The following SPRYD3 variants were observed in gnomAD, a reference collection of about 807,000 sequenced individuals.
The protein encoded by SPRYD3 is SPRY domain-containing protein 3.
In SPRYD3, 17 loss-of-function variants were observed where a neutral mutation model predicts 50.1. The ratio of observed to expected loss-of-function variants is 0.34; its 90% confidence interval spans 0.23 to 0.51. The LOEUF is 0.51. Among genes scored for constraint, SPRYD3 ranks in the 20% least tolerant of loss-of-function variants. The pLI is 0.97. For synonymous variants in SPRYD3, 198 were observed against 215.5 expected (o/e 0.92, Z 0.71); for missense variants, 401 against 591.2 (o/e 0.68, Z 3.34).
At chr12:53,071,721 C>CT (rs1944550881) in intron 6 of SPRYD3, among the ~76,000 whole-genome samples, 2 of 107,586 alleles carry the variant, frequency 1.9e-5, no homozygotes. Flanking sequence ...GATAGCCTGT[C>CT]TTAAAAAAAA....
intron 7 of SPRYD3, among the ~76,000 whole-genome samples, chr12:53,067,949 G>T (rs1189515598): frequency 2.0e-5 from 3 of 152,216 alleles, no homozygotes; most frequent in Non-Finnish European, 4.4e-5. Context: ...AGTGTGTGGT[G>T]CAGTCATGAC....
rs1944506194 is a variant in SPRYD3, at chr12:53,066,333, T to C, written c.1175A>G (p.His392Arg). 1 of 1,614,082 alleles carries C rather than the reference T, an allele frequency of 6.2e-7. No individual in the cohort carries two copies. Among genetic ancestry groups the C allele is most frequent in the Non-Finnish European group, 8.5e-7 (1 of 1,179,992 alleles). Residue 392 changes from histidine (H) to arginine (R), a missense_variant, in exon 10 of 11, where the codon CAT becomes CGT. Physicochemically the swap from His to Arg is conservative, Grantham distance 29. Transcript: ENST00000301463. ...EEDGEEIEPE[H>R]EGRKVVVFFT... ...ACTCACCACCACCTTCCTGCCCTCA[T>C]GCTCCGGCTCTATCTCTTCCCCATC...
rs2121198215 is a variant in SPRYD3 at position 53,068,372 on chromosome 12, G to A, written c.694-68C>T. The A allele has an allele frequency of 1.9e-6, 3 of 1,572,828 alleles. No individual in the cohort carries two copies. The East Asian group carries it at 6.7e-5, about 35-fold the overall frequency. ...ACCCACCCTGGAAACCTGGGCCCAA[G>A]GCAGTCTGGGTCCCACTTTCCCAGG... On this transcript the variant is annotated intron_variant, in intron 6 of 10. Transcript: ENST00000301463.
chr12:53,069,177 T>C (rs949905994), intron 6 of SPRYD3, among the ~76,000 whole-genome samples: 1 of 151,930 alleles, frequency 6.6e-6, no homozygotes, highest in East Asian at 1.9e-4. Context: ...AATAGTGGGG[T>C]GATGACTCAA....
At chr12:53,072,491 C>T (rs9783518) in intron 6 of SPRYD3, among the ~76,000 whole-genome samples, 2 of 152,154 alleles carry the variant, frequency 1.3e-5, no homozygotes, top group Non-Finnish European at 2.9e-5. Flanking sequence ...AGGGACAATT[C>T]GAAGTGGGAG....
chr12:53,068,032 G>T (rs1284326188), intron 7 of SPRYD3, 123 bp downstream of exon 7: 5 of 1,138,794 alleles, frequency 4.4e-6, no homozygotes, highest in African/African-American at 3.1e-5. Flanking sequence ...TTCCATCTCA[G>T]CTTAGCACCC....
Position 53,064,432 on chromosome 12 carries a change from G to C in SPRYD3, c.*1400C>G, listed in dbSNP as rs559153633. 6.5e-6 allele frequency: 1 copy of C among 154,458 alleles called. No individual in the cohort carries two copies. Among genetic ancestry groups the C allele is most frequent in the Non-Finnish European group, 1.4e-5 (1 of 69,516 alleles). The allele number at this position is 154,458 out of a possible 1,614,324, so 9.6% of individuals were successfully genotyped here. A position where few individuals can be genotyped will look rare whatever the true frequency, so the allele number is the denominator to read the frequency against. On this transcript the variant is annotated 3_prime_UTR_variant, in exon 11 of 11. Transcript: ENST00000301463. Reference sequence around the variant, plus strand: ...GTCAAAGCCTCATCTCCCAGGGGACGTATCTGTGCTCAGGCCTGTAGCCAG... The same window carrying C: ...GTCAAAGCCTCATCTCCCAGGGGACCTATCTGTGCTCAGGCCTGTAGCCAG...
intron 8 of SPRYD3, among the ~76,000 whole-genome samples, chr12:53,066,965 C>A (rs1028958853): frequency 6.6e-5 from 10 of 152,152 alleles, no homozygotes; most frequent in African/African-American, 2.2e-4. Flanking sequence ...CAAAAATTAG[C>A]TGGGCGTGGT....
rs199987408 is a variant in SPRYD3 at position 53,073,484 on chromosome 12, G to T, written c.508-13C>A. The T allele has an allele frequency of 3.3e-6, 5 of 1,517,556 alleles. No individual in the cohort carries two copies. The highest frequency in any genetic ancestry group is 2.4e-5 in the South Asian group (2 of 82,332). 94.0% of individuals were successfully genotyped at this position (1,517,556 alleles called of 1,614,324 possible). A position where few individuals can be genotyped will look rare whatever the true frequency, so the allele number is the denominator to read the frequency against. On this transcript the variant is annotated splice_polypyrimidine_tract_variant and intron_variant, in intron 5 of 10. Coordinates refer to ENST00000301463, the MANE Select transcript of SPRYD3 (RefSeq NM_032840.3). ...TGGTAGAGCCCACCTGCAGTGGGGG[G>T]AAAGACGGAGCTGCCACCCGGCCTG... is the stretch of plus-strand genomic sequence containing the variant.
chr12:53,070,311 G>A (rs1399439050), intron 6 of SPRYD3, among the ~76,000 whole-genome samples: 1 of 152,154 alleles, frequency 6.6e-6, no homozygotes, highest in African/African-American at 2.4e-5. Context: ...GACCCCTCCT[G>A]AGCCTTCCCA....
intron 1 of SPRYD3, 46 bp downstream of exon 1, chr12:53,079,265 G>T: frequency 1.9e-6 from 3 of 1,571,556 alleles, no homozygotes; most frequent in Non-Finnish European, 2.6e-6. Context: ...TTCAGGCTCC[G>T]GGGAGATACG....
Position 53,077,130 on chromosome 12 carries a change from T to G in SPRYD3, c.155A>C (p.Asp52Ala). 6.2e-7 allele frequency: 1 copy of G among 1,614,136 alleles called. No individual in the cohort carries two copies. Among genetic ancestry groups the G allele is most frequent in the South Asian group, 1.1e-5 (1 of 91,086 alleles). The change falls in exon 2 of 11, where the codon GAT (aspartate) becomes GCT (alanine). Residue 52 changes from aspartate to alanine, a missense_variant. Transcript: ENST00000301463. The part of the protein sequence containing the change: ...YQERFKHILV[D>A]GDTLSYHGNS... ...CTGAACTCACCTTAAAGTATCTCCATCTACAAGGATATGTTTGAACCTCTC... is the reference window on the plus strand; with the variant it reads ...CTGAACTCACCTTAAAGTATCTCCAGCTACAAGGATATGTTTGAACCTCTC...
At chr12:53,076,948 TA>T (rs552570899) in intron 2 of SPRYD3, among the ~76,000 whole-genome samples, 166 bp downstream of exon 2, 157 of 137,892 alleles carry the variant, frequency 1.1e-3, no homozygotes, top group Middle Eastern at 3.6e-3. Context: ...GACTCTGTCT[TA>T]AAAAAAAAAA....
chr12:53,079,373 C>T lies in SPRYD3; in HGVS notation c.-40G>A, dbSNP rs551928044. The T allele has an allele frequency of 2.5e-6, 4 of 1,595,846 alleles. No individual in the cohort carries two copies. In the East Asian group the frequency reaches 6.9e-5, roughly 28 times the overall value. ...GCTCCGCACACAAGCTCTTCGGCCGCCGCCACCACACACATCCGGGTCCCC... is the reference window on the plus strand; with the variant it reads ...GCTCCGCACACAAGCTCTTCGGCCGTCGCCACCACACACATCCGGGTCCCC... On this transcript the variant is annotated 5_prime_UTR_variant, in exon 1 of 11. Coordinates refer to ENST00000301463, the MANE Select transcript of SPRYD3 (RefSeq NM_032840.3).
At chr12:53,069,629 G>A (rs1162409849) in intron 6 of SPRYD3, among the ~76,000 whole-genome samples, 1 of 152,188 alleles carries the variant, frequency 6.6e-6, no homozygotes, top group Non-Finnish European at 1.5e-5. Context: ...AAGATAACTG[G>A]GGATGGATGA....
At position 53,066,558 on chromosome 12, in the gene SPRYD3, C is replaced by T. The variant is rs1478758384; in HGVS notation, c.1021+15G>A. On this transcript the variant is annotated intron_variant, in intron 9 of 10. Coordinates refer to ENST00000301463, the MANE Select transcript of SPRYD3 (RefSeq NM_032840.3). ...GGCCCCAAGCAGCCTGGCTGGCCAC[C>T]CCTACCCCACTCACCCTCACTGTCC... 3.7e-5 allele frequency: 60 copies of T among 1,609,080 alleles called. No individual in the cohort carries two copies. The highest frequency in any genetic ancestry group is 5.1e-5 in the Non-Finnish European group (60 of 1,177,098).
intron 6 of SPRYD3, among the ~76,000 whole-genome samples, chr12:53,069,491 G>A (rs1944534184): frequency 6.6e-6 from 1 of 151,916 alleles, no homozygotes; most frequent in African/African-American, 2.4e-5. Flanking sequence ...GACGGCCGCT[G>A]CTTAGCTCAG....
chr12:53,065,928 C>G lies in SPRYD3; in HGVS notation c.1233G>C (p.Lys411Asn), dbSNP rs752494109. 16 of 1,613,856 alleles carry G rather than the reference C, an allele frequency of 9.9e-6. No homozygotes were observed. In the East Asian group the frequency reaches 3.1e-4, roughly 31 times the overall value. Residue 411 changes from lysine (K) to asparagine (N), a missense_variant, in exon 11 of 11, where the codon AAG becomes AAC. Physicochemically the swap from Lys to Asn is moderately conservative, Grantham distance 94. Coordinates refer to ENST00000301463, the MANE Select transcript of SPRYD3 (RefSeq NM_032840.3). Reference sequence around the variant, plus strand: ...AGCCTCCAGAAGGAACAACAGCATCCTTCTTCCCAATGATCTTGCCATTCC... The same window carrying G: ...AGCCTCCAGAAGGAACAACAGCATCGTTCTTCCCAATGATCTTGCCATTCC... ...FTRNGKIIGKKDAVVPSGGFF... is the reference protein window; with the variant it reads ...FTRNGKIIGKNDAVVPSGGFF...
chr12:53,066,811 G>C (rs1347063192), intron 8 of SPRYD3, 119 bp from the exon 9 acceptor site: 1 of 1,335,474 alleles, frequency 7.5e-7, no homozygotes, highest in African/African-American at 1.5e-5. Context: ...GGTCAGGGCG[G>C]AAACAAAGAT....
Sources: gnomAD v4.1 joint callset for allele counts (sites outside exome capture counted in the v4.1 genomes callset) on GRCh38, gnomAD v4.1.1 for gene constraint, MANE v1.5 for transcripts, NCBI Gene and HGNC (gene_info 2026-07-23, HGNC 2026-07-21) for gene names.